Variants in SCMH1 observed in about 807,000 individuals in gnomAD.
The protein encoded by SCMH1 is Scm polycomb group protein homolog 1.
A neutral mutation model predicts 70.8 loss-of-function variants in SCMH1; 37 were observed. The observed-to-expected ratio is 0.52, with a 90% CI of 0.40 to 0.69. SCMH1 has a LOEUF of 0.69. Ranked by LOEUF, SCMH1 falls within the 30% of genes least tolerant of loss-of-function variation. The pLI is 0.00. For synonymous variants in SCMH1, 292 were observed against 307.4 expected (o/e 0.95, Z 0.52); for missense variants, 607 against 827.3 (o/e 0.73, Z 3.27).
chr1:41,225,313 G>A (rs568877381), intron 1 of SCMH1, among the ~76,000 whole-genome samples: 13 of 152,286 alleles, frequency 8.5e-5, no homozygotes, highest in Admixed American at 3.9e-4. Flanking sequence ...GGTCCCCAAA[G>A]TGGGGAGAAG....
intron 4 of SCMH1, 144 bp from the exon 5 acceptor site, chr1:41,151,828 A>G: frequency 2.0e-6 from 1 of 502,648 alleles, no homozygotes; most frequent in Non-Finnish European, 3.6e-6. Context: ...AGCTCAAAGG[A>G]GTATTAAGGG....
intron 2 of SCMH1, among the ~76,000 whole-genome samples, chr1:41,167,215 G>A (rs940729877): frequency 1.3e-5 from 2 of 151,928 alleles, no homozygotes; most frequent in African/African-American, 2.4e-5. Flanking sequence ...AATATACTAC[G>A]GAATATGGTT....
intron 12 of SCMH1, chr1:41,043,402 T>G (rs948071173): frequency 6.6e-6 from 1 of 150,626 alleles, no homozygotes; most frequent in African/African-American, 2.4e-5. Context: ...CCTAGTAGTA[T>G]TTTATTAATG....
intron 12 of SCMH1, among the ~76,000 whole-genome samples, chr1:41,042,946 G>A (rs1646400976): frequency 6.6e-6 from 1 of 152,094 alleles, no homozygotes; most frequent in Admixed American, 6.5e-5. Context: ...TCTAGATAAA[G>A]GAAACTAAAG....
chr1:41,089,372 T>TG (rs1227647788), intron 8 of SCMH1, among the ~76,000 whole-genome samples: 1 of 152,236 alleles, frequency 6.6e-6, no homozygotes, highest in Non-Finnish European at 1.5e-5. Flanking sequence ...CTAAAAACCT[T>TG]GGAGTTGTCC....
chr1:41,169,447 G>A (rs753253873), intron 2 of SCMH1, among the ~76,000 whole-genome samples: 1 of 152,154 alleles, frequency 6.6e-6, no homozygotes, highest in Non-Finnish European at 1.5e-5. Flanking sequence ...TATAACCTCT[G>A]AAGGTATTTG....
chr1:41,058,697 T>C (rs994131648), intron 10 of SCMH1, among the ~76,000 whole-genome samples: 1 of 152,158 alleles, frequency 6.6e-6, no homozygotes, highest in African/African-American at 2.4e-5. Flanking sequence ...TACATTTTCT[T>C]AAAGGAGGGC....
At chr1:41,235,569 TAAAAAAAAAAAAAAA>T (rs61093555) in intron 1 of SCMH1, among the ~76,000 whole-genome samples, 6 of 43,086 alleles carry the variant, frequency 1.4e-4, no homozygotes, top group Non-Finnish European at 3.0e-4. Context: ...AGACTCCGTC[TAAAAAAAAAAAAAAA>T]AAAAAAAAAA....
intron 2 of SCMH1, among the ~76,000 whole-genome samples, chr1:41,172,101 G>A (rs1299525779): frequency 1.3e-5 from 2 of 151,180 alleles, no homozygotes; most frequent in South Asian, 2.1e-4. Flanking sequence ...TGAGGTGGGA[G>A]GATCTTTTGA....
intron 5 of SCMH1, among the ~76,000 whole-genome samples, chr1:41,147,060 T>C (rs771145995): frequency 1.4e-4 from 22 of 152,300 alleles, no homozygotes; most frequent in Admixed American, 3.9e-4. Flanking sequence ...TTTGCCACTA[T>C]TTAATATGGT....
chr1:41,134,932 T>C (rs1643021500), intron 6 of SCMH1, among the ~76,000 whole-genome samples: 1 of 152,216 alleles, frequency 6.6e-6, no homozygotes, highest in South Asian at 2.1e-4. Flanking sequence ...TGTTGAATTT[T>C]GTCAAAGCTC....
At chr1:41,076,104 A>G (rs1451646977) in intron 8 of SCMH1, among the ~76,000 whole-genome samples, 1 of 152,066 alleles carries the variant, frequency 6.6e-6, no homozygotes, top group African/African-American at 2.4e-5. Context: ...GACTCTGCCC[A>G]TCTTGCTCTC....
intron 8 of SCMH1, among the ~76,000 whole-genome samples, chr1:41,089,820 CTTGCT>C (rs1289668765): frequency 3.9e-5 from 1 of 25,506 alleles, no homozygotes; most frequent in Non-Finnish European, 6.7e-5. Flanking sequence ...GAGACAGAGT[CTTGCT>C]CTGTTGCCCA....
intron 8 of SCMH1, among the ~76,000 whole-genome samples, chr1:41,081,889 C>G (rs1418516586): frequency 1.3e-5 from 2 of 151,600 alleles, no homozygotes; most frequent in Non-Finnish European, 2.9e-5. Flanking sequence ...ATAGAGAGTT[C>G]CAAAATTAAC....
intron 14 of SCMH1, 77 bp downstream of exon 15, chr1:41,028,507 C>T: frequency 1.3e-6 from 2 of 1,580,264 alleles, no homozygotes; most frequent in Non-Finnish European, 1.7e-6. Context: ...CCCTCCTCCC[C>T]AAACATCTCG....
At chr1:41,029,452 G>A (rs1311785753) in intron 13 of SCMH1, among the ~76,000 whole-genome samples, 1 of 152,120 alleles carries the variant, frequency 6.6e-6, no homozygotes, top group Admixed American at 6.5e-5. Context: ...TGCCTGCCGT[G>A]GCCTCCCAAA....
chr1:41,131,777 C>T (rs923181187), intron 6 of SCMH1, among the ~76,000 whole-genome samples: 2 of 152,110 alleles, frequency 1.3e-5, no homozygotes, highest in Non-Finnish European at 2.9e-5. Flanking sequence ...TTGTTCAACT[C>T]GCACTTATGA....
intron 1 of SCMH1, among the ~76,000 whole-genome samples, chr1:41,189,941 T>C (rs1018977608): frequency 1.3e-5 from 2 of 152,240 alleles, no homozygotes; most frequent in African/African-American, 2.4e-5. Flanking sequence ...TGGCTCATGC[T>C]TCTTGAACAG....
At chr1:41,217,745 G>T (rs1388785493) in intron 1 of SCMH1, among the ~76,000 whole-genome samples, 1 of 152,178 alleles carries the variant, frequency 6.6e-6, no homozygotes, top group Non-Finnish European at 1.5e-5. Flanking sequence ...GCCACAGATG[G>T]AGAGGTCTGG....
Sources: allele counts gnomAD v4.1 joint callset (sites outside exome capture counted in the v4.1 genomes callset), GRCh38; gene constraint gnomAD v4.1.1; transcripts MANE v1.5; gene names NCBI Gene and HGNC (gene_info 2026-07-23, HGNC 2026-07-21).